The following RSPH14 variants were observed in gnomAD, a reference collection of about 807,000 sequenced individuals.
RSPH14 encodes rhabdoid tumor deletion region gene 1.
A neutral mutation model predicts 26.7 loss-of-function variants in RSPH14; 20 were observed. The ratio of observed to expected loss-of-function variants is 0.75; its 90% CI spans 0.53 to 1.09. RSPH14 has a LOEUF of 1.09. Ranked by LOEUF, RSPH14 falls within the 50% of genes least tolerant of loss-of-function variation. RSPH14 has a pLI of 0.00. For missense variants in RSPH14, 449 were observed against 457.2 expected (o/e 0.98, Z 0.16); for synonymous variants, 177 against 189.3 (o/e 0.93, Z 0.53).
chr22:23,162,606 G>T, the RSPH14 span: 1 of 455,164 alleles, frequency 2.2e-6, no homozygotes, highest in Non-Finnish European at 4.4e-6. Context: ...ACATTCCCCA[G>T]CCTCTCTGCC....
At chr22:23,158,783 C>A in the RSPH14 span, 2 of 912,810 alleles carry the variant, frequency 2.2e-6, no homozygotes. Flanking sequence ...AGGAAGCCCT[C>A]CTTGTCCCTC....
chr22:23,130,490 GAAAGAA>G (rs200063570), intron 4 of RSPH14, among the ~76,000 whole-genome samples: 1,587 of 14,700 alleles, frequency 0.11, 134 homozygotes, highest in African/African-American at 0.37. Flanking sequence ...AAGAAAGAAG[GAAAGAA>G]AAAGAAAGAA....
At chr22:23,137,398 T>A (rs1373141463) in intron 3 of RSPH14, among the ~76,000 whole-genome samples, 1 of 149,408 alleles carries the variant, frequency 6.7e-6, no homozygotes, top group Non-Finnish European at 1.5e-5. Context: ...CTCCTCAAGG[T>A]GACAAGATGC....
At chr22:23,126,488 C>T (rs909423272) in intron 4 of RSPH14, among the ~76,000 whole-genome samples, 2 of 152,348 alleles carry the variant, frequency 1.3e-5, no homozygotes, top group Non-Finnish European at 2.9e-5. Context: ...TGGAAGTCTC[C>T]TCCTTCCCTG....
chr22:23,065,492 C>T (rs901263634), intron 4 of RSPH14, among the ~76,000 whole-genome samples: 5 of 116,260 alleles, frequency 4.3e-5, no homozygotes, highest in Non-Finnish European at 6.5e-5. Flanking sequence ...GTTCCTGTTG[C>T]TTCTACTGTG....
chr22:23,161,241 A>G, the RSPH14 span, among the ~76,000 whole-genome samples: 8 of 152,092 alleles, frequency 5.3e-5, no homozygotes, highest in Admixed American at 2.0e-4. Context: ...ATGGGCATCC[A>G]TGAGGTCCTC....
chr22:23,079,395 C>T (rs1021828267), intron 4 of RSPH14, among the ~76,000 whole-genome samples: 2 of 152,160 alleles, frequency 1.3e-5, no homozygotes, highest in Non-Finnish European at 2.9e-5. Flanking sequence ...AGCCAGTGCA[C>T]AGGCCCTGAG....
At chr22:23,064,782 G>C (rs1389527361) in intron 4 of RSPH14, among the ~76,000 whole-genome samples, 2 of 152,178 alleles carry the variant, frequency 1.3e-5, no homozygotes, top group African/African-American at 4.8e-5. Flanking sequence ...GCACAGCTGG[G>C]GTGCAGGTAC....
At chr22:23,062,498 G>C (rs1427007627) in intron 5 of RSPH14, among the ~76,000 whole-genome samples, 1 of 152,208 alleles carries the variant, frequency 6.6e-6, no homozygotes, top group Admixed American at 6.5e-5. Context: ...AGGGCTCCCT[G>C]GGCCAGGAAA....
At chr22:23,164,584 G>A in the RSPH14 span, among the ~76,000 whole-genome samples, 182 of 152,226 alleles carry the variant, frequency 1.2e-3, 4 homozygotes, top group East Asian at 0.033. Flanking sequence ...TCCCAGCATC[G>A]GGCAGTAAGT....
intron 4 of RSPH14, among the ~76,000 whole-genome samples, chr22:23,108,168 C>T (rs570524285): frequency 6.6e-6 from 1 of 152,382 alleles, no homozygotes; most frequent in South Asian, 2.1e-4. Context: ...ACCCCTGCCC[C>T]TGTACACAGC....
At chr22:23,062,864 C>T (rs2068123559) in intron 5 of RSPH14, among the ~76,000 whole-genome samples, 1 of 152,252 alleles carries the variant, frequency 6.6e-6, no homozygotes, top group Admixed American at 6.5e-5. Flanking sequence ...GGGACAAGAG[C>T]AGGGTTTCTC....
the RSPH14 span, among the ~76,000 whole-genome samples, chr22:23,165,362 A>C: frequency 6.6e-6 from 1 of 152,182 alleles, no homozygotes; most frequent in East Asian, 1.9e-4. Flanking sequence ...CTCATCCCTC[A>C]CTTGCAAACC....
rs75383998 is a variant in RSPH14, at chr22:23,062,790, G to A, written c.654-845C>T. 1.5e-3 allele frequency among the ~76,000 whole-genome samples: 223 copies of A among 152,340 alleles called. 2 individuals are homozygous for A. The East Asian group carries it at 0.021, about 14-fold the overall frequency. ...CCCACATGCAGGGATTCCCTGATTC[G>A]TTCACACAGCAAGACACTGAGACAA... On this transcript the variant is annotated intron_variant, in intron 5 of 6. Transcript: ENST00000216036.
At chr22:23,096,987 G>A (rs534681351) in intron 4 of RSPH14, among the ~76,000 whole-genome samples, 14 of 152,358 alleles carry the variant, frequency 9.2e-5, no homozygotes, top group Admixed American at 7.2e-4. Flanking sequence ...GTGGGGAGCC[G>A]GGTGAAGCAG....
chr22:23,099,326 T>C (rs1384545405), intron 4 of RSPH14, among the ~76,000 whole-genome samples: 2 of 152,224 alleles, frequency 1.3e-5, no homozygotes, highest in East Asian at 1.9e-4. Context: ...CGCCCCTCCA[T>C]GGCCACGGTT....
the RSPH14 span, chr22:23,160,858 G>A: frequency 1.0e-4 from 168 of 1,609,868 alleles, 4 homozygotes; most frequent in East Asian, 1.3e-3. Flanking sequence ...ATGAGGTCCC[G>A]GCTGTCTTGT....
chr22:23,135,374 C>G (rs534372716), intron 3 of RSPH14, among the ~76,000 whole-genome samples: 1 of 150,172 alleles, frequency 6.7e-6, no homozygotes, highest in Non-Finnish European at 1.5e-5. Flanking sequence ...CGCCTGTAGT[C>G]CCAGCTACTT....
At chr22:23,159,743 A>G in the RSPH14 span, among the ~76,000 whole-genome samples, 7 of 152,104 alleles carry the variant, frequency 4.6e-5, no homozygotes, top group East Asian at 7.7e-4. Flanking sequence ...GCCCAGTGAC[A>G]GGGGCTCCCA....
Sources: gnomAD v4.1 joint callset for allele counts (sites outside exome capture counted in the v4.1 genomes callset) on GRCh38, gnomAD v4.1.1 for gene constraint, MANE v1.5 for transcripts, NCBI Gene and HGNC (gene_info 2026-07-23, HGNC 2026-07-21) for gene names.